Variants in BTG4 observed in about 807,000 individuals in gnomAD.
BTG4 encodes the protein protein BTG4.
In BTG4, 10 loss-of-function variants were observed where a neutral mutation model predicts 19.3. The ratio of observed to expected loss-of-function variants is 0.52; its 90% CI spans 0.32 to 0.88. The LOEUF is 0.88. BTG4 is among the 40% of genes least tolerant of loss of function. The pLI is 0.04. For synonymous variants in BTG4, 91 were observed against 95.7 expected (o/e 0.95, Z 0.29); for missense variants, 238 against 281.9 (o/e 0.84, Z 1.11).
chr11:111,448,184 G>A, the BTG4 span, among the ~76,000 whole-genome samples: 12 of 152,202 alleles, frequency 7.9e-5, no homozygotes, highest in African/African-American at 2.7e-4. Context: ...GGAATGAGAC[G>A]CCTCGTGCAA....
the BTG4 span, among the ~76,000 whole-genome samples, chr11:111,431,638 GGCTTA>G: frequency 8.5e-5 from 13 of 152,196 alleles, no homozygotes; most frequent in South Asian, 2.1e-4. Context: ...CCTGTGCAGA[GGCTTA>G]GCATCTAGAC....
At chr11:111,387,876 G>A in the BTG4 span, among the ~76,000 whole-genome samples, 1 of 152,024 alleles carries the variant, frequency 6.6e-6, no homozygotes, top group Non-Finnish European at 1.5e-5. Context: ...AAGGCACAGA[G>A]ACCTTTTTTT....
the BTG4 span, chr11:111,456,765 C>A: frequency 3.3e-6 from 1 of 307,346 alleles, no homozygotes; most frequent in South Asian, 2.8e-5. The surrounding 1 kb of genome is among the most constrained non-coding windows in gnomAD (Gnocchi z 4.2). Context: ...ACTGACTATC[C>A]CCAACTCAGC....
chr11:111,438,914 C>T, the BTG4 span, among the ~76,000 whole-genome samples: 3 of 152,242 alleles, frequency 2.0e-5, no homozygotes, highest in Non-Finnish European at 4.4e-5. Context: ...CTGTCCTATC[C>T]ATCCACCAGA....
chr11:111,428,426 G>A, the BTG4 span, among the ~76,000 whole-genome samples: 1 of 152,152 alleles, frequency 6.6e-6, no homozygotes, highest in East Asian at 1.9e-4. Flanking sequence ...TCCTCAGCAA[G>A]CCCTGCTGAC....
the BTG4 span, among the ~76,000 whole-genome samples, chr11:111,458,587 A>C: frequency 6.6e-6 from 1 of 152,144 alleles, no homozygotes; most frequent in Non-Finnish European, 1.5e-5. Flanking sequence ...GGGGTCCTCT[A>C]GCTGCAAAGC....
exon 6 of BTG4, chr11:111,467,630 C>G (rs191144936): frequency 5.3e-6 from 4 of 761,596 alleles, no homozygotes; most frequent in South Asian, 1.4e-5. Flanking sequence ...TTCCAAGGTG[C>G]CTTCTTCTAC....
At chr11:111,433,399 T>G in the BTG4 span, among the ~76,000 whole-genome samples, 1 of 151,988 alleles carries the variant, frequency 6.6e-6, no homozygotes, top group Non-Finnish European at 1.5e-5. Context: ...ACAAAAAAAT[T>G]AACTCAAGAT....
the BTG4 span, among the ~76,000 whole-genome samples, chr11:111,460,049 G>A: frequency 2.0e-5 from 3 of 152,112 alleles, no homozygotes; most frequent in Non-Finnish European, 2.9e-5. Flanking sequence ...CCACCCCCAC[G>A]CCAGGGCTGT....
At chr11:111,446,665 G>A in the BTG4 span, among the ~76,000 whole-genome samples, 1 of 143,778 alleles carries the variant, frequency 7.0e-6, no homozygotes, top group East Asian at 2.0e-4. Context: ...ATCCTCCCCT[G>A]CAACAGCATT....
chr11:111,408,418 G>A, the BTG4 span, among the ~76,000 whole-genome samples: 2 of 152,164 alleles, frequency 1.3e-5, no homozygotes. Context: ...GAGTGGACGA[G>A]CAGACTCACT....
At chr11:111,478,556 G>A (rs1034194957) in intron 5 of BTG4, among the ~76,000 whole-genome samples, 2 of 152,050 alleles carry the variant, frequency 1.3e-5, no homozygotes, top group African/African-American at 4.8e-5. Flanking sequence ...TTAGAATTAT[G>A]ACAAAGATTT....
chr11:111,492,327 C>T (rs999239781), downstream of BTG4, among the ~76,000 whole-genome samples: 4 of 152,128 alleles, frequency 2.6e-5, no homozygotes, highest in Non-Finnish European at 5.9e-5. Flanking sequence ...TCTGTCATAT[C>T]CAAATATTAT....
At chr11:111,497,949 C>T (rs757831174) in intron 3 of BTG4, 49 bp downstream of exon 3, 1 of 1,587,338 alleles carries the variant, frequency 6.3e-7, no homozygotes, top group Non-Finnish European at 8.6e-7. Context: ...AGTTGTCTAA[C>T]TTAAGGTTTC....
At chr11:111,408,236 C>A in the BTG4 span, among the ~76,000 whole-genome samples, 1 of 152,228 alleles carries the variant, frequency 6.6e-6, no homozygotes, top group Non-Finnish European at 1.5e-5. Context: ...CATCCCCTCT[C>A]CTTCTCATTT....
At chr11:111,441,825 G>C in the BTG4 span, among the ~76,000 whole-genome samples, 33 of 152,312 alleles carry the variant, frequency 2.2e-4, no homozygotes, top group Middle Eastern at 3.4e-3. Context: ...TTGAGAGGCT[G>C]AGGCAGGCAG....
the BTG4 span, among the ~76,000 whole-genome samples, chr11:111,443,416 T>C: frequency 6.6e-6 from 1 of 152,222 alleles, no homozygotes; most frequent in Non-Finnish European, 1.5e-5. Context: ...TTATAACAAA[T>C]GTACCATATT....
chr11:111,489,087 G>A (rs905772656), intron 5 of BTG4, among the ~76,000 whole-genome samples: 3 of 150,388 alleles, frequency 2.0e-5, no homozygotes, highest in Admixed American at 6.7e-5. Flanking sequence ...ACGTTGTGGC[G>A]AACTGAGGTC....
chr11:111,442,790 T>G, the BTG4 span, among the ~76,000 whole-genome samples: 1 of 151,838 alleles, frequency 6.6e-6, no homozygotes, highest in South Asian at 2.1e-4. Context: ...AATGTTCACG[T>G]GAATAAATAA....
Sources: gnomAD v4.1 joint callset for allele counts (sites outside exome capture counted in the v4.1 genomes callset) on GRCh38, gnomAD v4.1.1 for gene constraint, Gnocchi (gnomAD v3.1) non-coding constraint, MANE v1.5 for transcripts, NCBI Gene and HGNC (gene_info 2026-07-23, HGNC 2026-07-21) for gene names.